Variants in ECRG4 observed in about 807,000 individuals in gnomAD.
The protein encoded by ECRG4 is ECRG4 augurin precursor.
In ECRG4, 18 loss-of-function variants were observed where a neutral mutation model predicts 15.8. The ratio of observed to expected loss-of-function variants is 1.14; its 90% CI spans 0.79 to 1.69. The LOEUF (loss-of-function observed/expected upper bound fraction) is 1.69. ECRG4 is among the 40% of genes most tolerant of loss of function. ECRG4 has a pLI of 0.00. For synonymous variants in ECRG4, 82 were observed against 73.9 expected, an observed-to-expected ratio of 1.11 and a Z score of -0.56; for missense variants, 200 against 190.9, an observed-to-expected ratio of 1.05 and a Z score of -0.28.
intron 3 of ECRG4, among the ~76,000 whole-genome samples, chr2:106,075,180 C>A (rs1676458501): frequency 6.6e-6 from 1 of 152,144 alleles, no homozygotes; most frequent in African/African-American, 2.4e-5. Context: ...TTACTTAGAC[C>A]ACATTCTTCC....
At chr2:106,069,296 TC>T (rs1161002670) in intron 1 of ECRG4, among the ~76,000 whole-genome samples, 2 of 147,788 alleles carry the variant, frequency 1.4e-5, no homozygotes, top group East Asian at 2.0e-4. Context: ...TTTCTTTCTT[TC>T]CTTCCTTCCT....
Position 106,073,897 on chromosome 2 carries a change from A to G in ECRG4, c.139A>G (p.Thr47Ala), listed in dbSNP as rs758089542. 2 of 1,614,252 alleles carry G rather than the reference A, an allele frequency of 1.2e-6. No individual in the cohort carries two copies. The highest frequency in any genetic ancestry group is 8.5e-7 in the Non-Finnish European group (1 of 1,180,026). The part of the protein sequence containing the change: ...MLQKREAPVP[T>A]KTKVAVDENK... ...ATTGATGATTTCAGCACCTGTTCCA[A>G]CTAAGACTAAAGTGGCCGTTGATGA... The change falls in exon 3 of 4, where the codon ACT becomes GCT. Residue 47 changes from threonine (T) to alanine (A), a missense_variant. Coordinates refer to ENST00000238044, the MANE Select transcript of ECRG4 (RefSeq NM_032411.3).
At chr2:106,077,718 G>A (rs1676514230) in intron 3 of ECRG4, 47 bp from the exon 4 acceptor site, 7 of 1,567,852 alleles carry the variant, frequency 4.5e-6, no homozygotes, top group Non-Finnish European at 6.1e-6. Context: ...TTAGGGGACT[G>A]CATGACCTTA....
chr2:106,071,152 G>T (rs1233926518), intron 1 of ECRG4: 5 of 386,942 alleles, frequency 1.3e-5, no homozygotes, highest in African/African-American at 1.0e-4. Flanking sequence ...GCAAAGGCAA[G>T]TTCCCCAGTG....
At chr2:106,069,175 C>CTTCTTTCTTT (rs1676296670) in intron 1 of ECRG4, among the ~76,000 whole-genome samples, 1 of 72,280 alleles carries the variant, frequency 1.4e-5, no homozygotes, top group Admixed American at 1.6e-4. Context: ...TTTCTTTTTT[C>CTTCTTTCTTT]TTTCTTTCTT....
chr2:106,073,857 C>T (rs1449131597), intron 2 of ECRG4, 29 bp from the exon 3 acceptor site: 2 of 1,609,302 alleles, frequency 1.2e-6, no homozygotes, highest in African/African-American at 1.3e-5. Context: ...ATTCTTTGTG[C>T]TTTGGGGATG....
chr2:106,071,908 T>C lies in ECRG4; in HGVS notation c.127+17T>C. On this transcript the variant is annotated intron_variant, in intron 2 of 3. Coordinates refer to ENST00000238044, the MANE Select transcript of ECRG4 (RefSeq NM_032411.3). Reference sequence around the variant, plus strand: ...AACGAGAAGGTAAATATACCCCAAATGGATAAGGGATGCATTCTTAACTGG... The same window carrying C: ...AACGAGAAGGTAAATATACCCCAAACGGATAAGGGATGCATTCTTAACTGG... 2 of 1,605,330 alleles carry C rather than the reference T, an allele frequency of 1.2e-6. No homozygotes were observed. The highest frequency in any genetic ancestry group is 1.7e-6 in the Non-Finnish European group (2 of 1,172,160).
At chr2:106,076,885 C>T (rs183056260) in intron 3 of ECRG4, among the ~76,000 whole-genome samples, 8 of 152,296 alleles carry the variant, frequency 5.3e-5, no homozygotes, top group Non-Finnish European at 7.4e-5. Context: ...AAATCTCTTG[C>T]GATGTCCTGA....
At chr2:106,068,568 T>C (rs1182364694) in intron 1 of ECRG4, among the ~76,000 whole-genome samples, 1 of 152,220 alleles carries the variant, frequency 6.6e-6, no homozygotes, top group African/African-American at 2.4e-5. Flanking sequence ...ATACATTTGC[T>C]GCAAGAAATT....
intron 2 of ECRG4, 173 bp from the exon 3 acceptor site, chr2:106,073,713 G>A (rs1464355790): frequency 2.6e-6 from 2 of 764,640 alleles, no homozygotes; most frequent in Non-Finnish European, 4.4e-6. Context: ...AGGAAGCATG[G>A]TGACAGAATC....
At chr2:106,071,540 C>T (rs1445712490) in intron 1 of ECRG4, among the ~76,000 whole-genome samples, 1 of 152,084 alleles carries the variant, frequency 6.6e-6, no homozygotes, top group African/African-American at 2.4e-5. Flanking sequence ...CAGGAAGATG[C>T]GCTTGACAGA....
At chr2:106,067,731 T>G (rs527694001) in intron 1 of ECRG4, among the ~76,000 whole-genome samples, 1 of 152,254 alleles carries the variant, frequency 6.6e-6, no homozygotes, top group Admixed American at 6.5e-5. Flanking sequence ...GATCCACCAA[T>G]CTTGGCCTCC....
At position 106,077,806 on chromosome 2, in the gene ECRG4, A is replaced by T; in HGVS notation, c.327A>T (p.Arg109=). The T allele has an allele frequency of 1.2e-6, 2 of 1,614,140 alleles. No individual in the cohort carries two copies. The highest frequency in any genetic ancestry group is 1.7e-6 in the Non-Finnish European group (2 of 1,180,012). The change falls in exon 4 of 4, where the codon CGA becomes CGT. Residue 109 remains arginine (R), a synonymous_variant. Transcript: ENST00000238044. ...TCACCTATTGGCTTAACAGAGATCG[A>T]AATGGACATGAATACTATGGCGATT... The part of the protein sequence containing the change: ...DDITYWLNRD[R]NGHEYYGDYY...
upstream of ECRG4, among the ~76,000 whole-genome samples, chr2:106,063,861 C>T (rs1360891689): frequency 6.6e-6 from 1 of 152,170 alleles, no homozygotes; most frequent in Non-Finnish European, 1.5e-5. Flanking sequence ...GGATTACAGG[C>T]GTGAGCCACC....
In ECRG4 at chr2:106,066,581, A is replaced by C. The variant is rs1676220142; in HGVS notation, c.79+738A>C. On this transcript the variant is annotated intron_variant, in intron 1 of 3. Transcript: ENST00000238044. ...GTAGGAGGAACATTTATGGTTCACAAGTGGCCTCAAGGACACATGACTGCC... is the reference window on the plus strand; with the variant it reads ...GTAGGAGGAACATTTATGGTTCACACGTGGCCTCAAGGACACATGACTGCC... Among the ~76,000 whole-genome samples, 2 of 152,180 alleles carry C rather than the reference A, an allele frequency of 1.3e-5. 1 individual carries two copies. Among genetic ancestry groups the C allele is most frequent in the South Asian group, 4.1e-4 (2 of 4,828 alleles).
intron 3 of ECRG4, among the ~76,000 whole-genome samples, chr2:106,077,204 GAATA>G (rs982796154): frequency 1.3e-4 from 20 of 152,312 alleles, no homozygotes; most frequent in African/African-American, 4.8e-4. Flanking sequence ...AGCATTTGCA[GAATA>G]AATAAATGCA....
Position 106,077,868 on chromosome 2 carries a change from G to T in ECRG4, c.389G>T (p.Gly130Val), listed in dbSNP as rs1676518087. ...CACTATGATGAAGACTCTGCAATTG[G>T]TCCCCGGAGCCCCTACGGCTTTAGG... The part of the protein sequence containing the change: ...QRHYDEDSAI[G>V]PRSPYGFRHG... Residue 130 changes from glycine (G) to valine (V), a missense_variant, in exon 4 of 4, where the codon GGT becomes GTT. Physicochemically the swap from Gly to Val is moderately radical, Grantham distance 109 (BLOSUM62 -3). Transcript: ENST00000238044. The T allele has an allele frequency of 2.5e-6, 4 of 1,613,936 alleles. No individual in the cohort carries two copies. The highest frequency in any genetic ancestry group is 1.1e-5 in the South Asian group (1 of 91,084).
chr2:106,069,741 A>G (rs898818279), intron 1 of ECRG4, among the ~76,000 whole-genome samples: 3 of 151,984 alleles, frequency 2.0e-5, no homozygotes, highest in African/African-American at 7.3e-5. Context: ...TTTGACCACA[A>G]CTCCGGTTTT....
In ECRG4 at chr2:106,075,960, T is replaced by C. The variant is rs575391009; in HGVS notation, c.286-1805T>C. Among the ~76,000 whole-genome samples, 85 of 152,356 alleles carry C rather than the reference T, an allele frequency of 5.6e-4. 1 individual carries two copies. The highest frequency in any genetic ancestry group is 1.8e-3 in the African/African-American group (76 of 41,588). Reference sequence around the variant, plus strand: ...AATCTTAATCTATATTATTTCTGTATTCATCAAAGATTTTAAAAAATTTTT... The same window carrying C: ...AATCTTAATCTATATTATTTCTGTACTCATCAAAGATTTTAAAAAATTTTT... On this transcript the variant is annotated intron_variant, in intron 3 of 3. Coordinates refer to ENST00000238044, the MANE Select transcript of ECRG4 (RefSeq NM_032411.3).
Sources: allele counts gnomAD v4.1 joint callset (sites outside exome capture counted in the v4.1 genomes callset), GRCh38; gene constraint gnomAD v4.1.1; transcripts MANE v1.5; gene names NCBI Gene and HGNC (gene_info 2026-07-23, HGNC 2026-07-21).